Variants in CDC14B observed in about 807,000 individuals in gnomAD.
CDC14B encodes dual specificity protein phosphatase CDC14B.
In CDC14B, 22 loss-of-function variants were observed where a neutral mutation model predicts 64.2. That is an observed-to-expected ratio of 0.34 (90% confidence interval 0.24 to 0.49). The LOEUF (loss-of-function observed/expected upper bound fraction) is 0.49, where lower values mean the gene tolerates loss of function less well. Ranked by LOEUF, CDC14B falls within the 20% of genes least tolerant of loss-of-function variation. The pLI, the probability that CDC14B is intolerant of heterozygous loss-of-function variation, is 0.99. For missense variants in CDC14B, 498 were observed against 629.9 expected (o/e 0.79, Z 2.24); for synonymous variants, 191 against 215.8 (o/e 0.89, Z 1.01).
chr9:96,547,982 C>T (rs1327632654), intron 5 of CDC14B, among the ~76,000 whole-genome samples: 2 of 152,120 alleles, frequency 1.3e-5, no homozygotes, highest in South Asian at 2.1e-4. Context: ...CCCGCCACCA[C>T]GCCTGGCTAA....
chr9:96,491,216 C>T (rs868860029), exon 14 of CDC14B: 4 of 152,256 alleles, frequency 2.6e-5, no homozygotes, highest in Non-Finnish European at 5.9e-5. Flanking sequence ...TTCATATGCT[C>T]GCTTGAGATG....
intron 1 of CDC14B, among the ~76,000 whole-genome samples, chr9:96,583,993 C>T (rs942690527): frequency 1.3e-5 from 2 of 152,162 alleles, no homozygotes; most frequent in African/African-American, 4.8e-5. Flanking sequence ...GTTGGGATTA[C>T]AGGCATGAGC....
chr9:96,545,819 T>C (rs191318816), intron 5 of CDC14B, among the ~76,000 whole-genome samples: 157 of 152,082 alleles, frequency 1.0e-3, no homozygotes, highest in Non-Finnish European at 1.8e-3. Flanking sequence ...TCATACATCA[T>C]AGAATCTGAA....
At chr9:96,547,516 G>A (rs1033574175) in intron 5 of CDC14B, among the ~76,000 whole-genome samples, 2 of 151,676 alleles carry the variant, frequency 1.3e-5, no homozygotes, top group Non-Finnish European at 2.9e-5. Context: ...GCTGAGTGCA[G>A]TGGCATAATG....
rs144709464 is a variant in CDC14B at position 96,615,924 on chromosome 9, T to C, written c.160+3295A>G. 4.5e-4 allele frequency among the ~76,000 whole-genome samples: 69 copies of C among 152,316 alleles called. 2 individuals are homozygous for C. In the East Asian group the frequency reaches 0.012, roughly 26 times the overall value. On this transcript the variant is annotated intron_variant, in intron 1 of 13. Transcript: ENST00000375241. ...TCACACATATAAACAGACACATACA[T>C]TGATGCTACTGCAGCCATTTGCAAT...
chr9:96,495,998 G>C (rs778897193), downstream of CDC14B, among the ~76,000 whole-genome samples: 4 of 152,068 alleles, frequency 2.6e-5, no homozygotes, highest in African/African-American at 9.7e-5. Context: ...GGAGATGGAG[G>C]GGCCTCAGCT....
At chr9:96,610,407 C>T (rs1269512856) in intron 1 of CDC14B, among the ~76,000 whole-genome samples, 2 of 152,012 alleles carry the variant, frequency 1.3e-5, no homozygotes, top group Admixed American at 6.6e-5. Flanking sequence ...AGCATGTTAG[C>T]CAGGATGGTC....
At chr9:96,558,798 T>C (rs141436216) in intron 4 of CDC14B, among the ~76,000 whole-genome samples, 109 of 152,342 alleles carry the variant, frequency 7.2e-4, no homozygotes, top group African/African-American at 2.4e-3. Flanking sequence ...GCAAACTTAT[T>C]TTGTAAAACA....
intron 12 of CDC14B, among the ~76,000 whole-genome samples, chr9:96,518,092 C>T (rs1836025687): frequency 6.6e-6 from 1 of 152,180 alleles, no homozygotes. Context: ...CACCTGGATA[C>T]ATCTGTGACC....
Position 96,516,516 on chromosome 9 carries a change from G to A in CDC14B, c.1343+5990C>T, listed in dbSNP as rs192365450. On this transcript the variant is annotated intron_variant, in intron 12 of 13. Transcript: ENST00000375241. Reference sequence around the variant, plus strand: ...ATTTTTTGAGATGGAGTCTTGCTCTGTCACCCAGCCCGGAGTGCAATGGCG... The same window carrying A: ...ATTTTTTGAGATGGAGTCTTGCTCTATCACCCAGCCCGGAGTGCAATGGCG... Among the ~76,000 whole-genome samples the A allele has an allele frequency of 2.2e-3, 341 of 151,908 alleles. 1 individual carries two copies. Among genetic ancestry groups the A allele is most frequent in the Non-Finnish European group, 1.5e-3 (103 of 67,986 alleles).
At position 96,523,185 on chromosome 9, in the gene CDC14B, G is replaced by A. The variant is rs1837007019; in HGVS notation, c.1245+76C>T. ...GAGCTGCTTTATTATTTTACCTACGGTTTTCTCCATACCCTGACAGGTTCT... is the reference window on the plus strand; with the variant it reads ...GAGCTGCTTTATTATTTTACCTACGATTTTCTCCATACCCTGACAGGTTCT... On this transcript the variant is annotated intron_variant, in intron 11 of 13. Transcript: ENST00000375241. The A allele has an allele frequency of 2.1e-6, 3 of 1,462,640 alleles. No homozygotes were observed. In the Admixed American group the frequency reaches 5.7e-5, roughly 28 times the overall value. 90.6% of individuals were successfully genotyped at this position (1,462,640 alleles called of 1,614,324 possible). A position where few individuals can be genotyped will look rare whatever the true frequency, so the allele number is the denominator to read the frequency against.
At chr9:96,608,280 T>C (rs928311240) in intron 1 of CDC14B, among the ~76,000 whole-genome samples, 2 of 152,226 alleles carry the variant, frequency 1.3e-5, no homozygotes, top group African/African-American at 4.8e-5. Context: ...ATATTAATAG[T>C]GGAGTTAAAA....
chr9:96,514,353 G>C (rs1280177607), intron 12 of CDC14B: 1 of 817,428 alleles, frequency 1.2e-6, no homozygotes, highest in African/African-American at 1.9e-5. Flanking sequence ...GTCAGAATAT[G>C]TGGCAATCGT....
At chr9:96,594,871 G>C (rs551072677) in intron 1 of CDC14B, among the ~76,000 whole-genome samples, 2 of 152,224 alleles carry the variant, frequency 1.3e-5, no homozygotes, top group East Asian at 3.9e-4. Flanking sequence ...ATTAGCCCTT[G>C]GCTGGGCGCG....
intron 12 of CDC14B, among the ~76,000 whole-genome samples, chr9:96,510,217 A>G (rs112977495): frequency 2.0e-4 from 31 of 152,328 alleles, no homozygotes; most frequent in African/African-American, 7.2e-4. Flanking sequence ...TCACTCTTCA[A>G]AGCTGTAAGT....
chr9:96,545,541 A>G (rs1227012444), intron 5 of CDC14B, among the ~76,000 whole-genome samples: 6 of 151,974 alleles, frequency 3.9e-5, no homozygotes, highest in Non-Finnish European at 8.8e-5. Flanking sequence ...GATGGTCTCA[A>G]TCTCCTGACC....
chr9:96,495,394 C>CCT (rs1554728136), downstream of CDC14B, among the ~76,000 whole-genome samples: 19 of 139,670 alleles, frequency 1.4e-4, no homozygotes, highest in African/African-American at 4.8e-4. Context: ...GTGTGCTGCC[C>CCT]CCCCCCGCCC....
intron 1 of CDC14B, among the ~76,000 whole-genome samples, chr9:96,615,531 G>A (rs1266780717): frequency 6.6e-6 from 1 of 152,160 alleles, no homozygotes; most frequent in East Asian, 1.9e-4. Flanking sequence ...AGGGCAGGGT[G>A]GACAGAAGTG....
At chr9:96,605,025 A>C (rs552610968) in intron 1 of CDC14B, among the ~76,000 whole-genome samples, 144 of 152,162 alleles carry the variant, frequency 9.5e-4, no homozygotes, top group African/African-American at 3.4e-3. Flanking sequence ...GCTTCTAACA[A>C]ATCCGCCCTG....
Sources: allele counts gnomAD v4.1 joint callset (sites outside exome capture counted in the v4.1 genomes callset), GRCh38; gene constraint gnomAD v4.1.1; transcripts MANE v1.5; gene names NCBI Gene and HGNC (gene_info 2026-07-23, HGNC 2026-07-21).